CCDC40: variants seen among roughly 807,000 people sequenced by gnomAD.
CCDC40 encodes the protein coiled-coil domain-containing protein 40.
Under a neutral mutation model 124.5 loss-of-function variants are expected in CCDC40, and 104 were observed. The ratio of observed to expected loss-of-function variants is 0.84; its 90% CI spans 0.71 to 0.98. The LOEUF is 0.98. CCDC40 is among the 50% of genes least tolerant of loss of function. The pLI is 0.00. For synonymous variants in CCDC40, 580 were observed against 602.9 expected, an observed-to-expected ratio of 0.96 and a Z score of 0.56; for missense variants, 1,463 against 1,503.9, an observed-to-expected ratio of 0.97 and a Z score of 0.45.
At position 80,084,726 on chromosome 17, in the gene CCDC40, TC is replaced by T; in HGVS notation, c.1990-16del. 6.2e-7 allele frequency: 1 copy of T among 1,613,716 alleles called. No homozygotes were observed. Among genetic ancestry groups the T allele is most frequent in the Non-Finnish European group, 8.5e-7 (1 of 1,179,996 alleles). ...GGTGGGGGCAATATTCACAGGTATTTCTTTTCATCAATTCAGATGACACATC... is the reference window on the plus strand; with the variant it reads ...GGTGGGGGCAATATTCACAGGTATTTTTTTCATCAATTCAGATGACACATC... On this transcript the variant is annotated splice_polypyrimidine_tract_variant and intron_variant, in intron 12 of 19. Transcript: ENST00000397545.
intron 3 of CCDC40, among the ~76,000 whole-genome samples, chr17:80,044,717 ATAT>A (rs1303143841): frequency 9.3e-3 from 378 of 40,728 alleles, no homozygotes; most frequent in Non-Finnish European, 0.018. Flanking sequence ...AAAAAAAAAA[ATAT>A]ATATATATAT....
intron 18 of CCDC40, among the ~76,000 whole-genome samples, chr17:80,095,653 C>T (rs2038797943): frequency 6.6e-6 from 1 of 152,152 alleles, no homozygotes; most frequent in Admixed American, 6.5e-5. Context: ...TAACCTGCTG[C>T]TGGGTTCGGG....
chr17:80,040,292 T>G (rs959480108), intron 3 of CCDC40, 22 bp downstream of exon 3: 65 of 1,609,348 alleles, frequency 4.0e-5, no homozygotes, highest in Non-Finnish European at 5.4e-5. Context: ...TGACTTCTGT[T>G]TTGTGCCAGT....
At chr17:80,085,673 T>G (rs1425248402) in intron 13 of CCDC40, among the ~76,000 whole-genome samples, 2 of 150,146 alleles carry the variant, frequency 1.3e-5, no homozygotes, top group Non-Finnish European at 3.0e-5. Flanking sequence ...TTGCTTTTTT[T>G]TTTTTTTTTT....
chr17:80,091,172 A>G (rs2038714668), intron 17 of CCDC40, among the ~76,000 whole-genome samples: 1 of 152,146 alleles, frequency 6.6e-6, no homozygotes, highest in Non-Finnish European at 1.5e-5. Flanking sequence ...TACTATGGAT[A>G]TTTCACAATT....
Position 80,088,100 on chromosome 17 carries a change from AGAGT to A in CCDC40, c.2711+3_2711+6del. On this transcript the variant is annotated splice_donor_variant and coding_sequence_variant, in exon 16 of 20. Coordinates refer to ENST00000397545, the MANE Select transcript of CCDC40 (RefSeq NM_017950.4). LOFTEE classifies it high-confidence loss of function. ...CCCTCCTGAATCAACTGGTGGAAGC[AGAGT>A]GAGTCCCAGTCTCCAGCCACACGTG... 1 of 1,611,152 alleles carries A rather than the reference AGAGT, an allele frequency of 6.2e-7. No individual in the cohort carries two copies. The highest frequency in any genetic ancestry group is 8.5e-7 in the Non-Finnish European group (1 of 1,177,314).
rs951723122 is a variant in CCDC40 at position 80,086,579 on chromosome 17, G to T, written c.2449+363G>T. 3.4e-5 allele frequency: 11 copies of T among 322,254 alleles called. No homozygotes were observed. The highest frequency in any genetic ancestry group is 2.4e-4 in the African/African-American group (11 of 45,900). The allele number at this position is 322,254 out of a possible 1,614,324, so 20.0% of individuals were successfully genotyped here. On this transcript the variant is annotated intron_variant, in intron 14 of 19. Transcript: ENST00000397545. The surrounding 1 kb of genome is among the most constrained non-coding windows in gnomAD (Gnocchi z 5.5). ...TCCTGCCAGGCAGGCTCCTGGTGCT[G>T]TCCCCACATCACCTCCAGTTGGGCT...
chr17:80,058,291 T>G lies in CCDC40; in HGVS notation c.1160-203T>G, dbSNP rs1255388609. On this transcript the variant is annotated intron_variant, in intron 7 of 19. Coordinates refer to ENST00000397545, the MANE Select transcript of CCDC40 (RefSeq NM_017950.4). This position sits in a 1 kb window ranked among gnomAD's most constrained non-coding sequence, Gnocchi z 4.2. ...TGGATGTAGATTCCGTATATTTTTG[T>G]CTCTTCCAAGAGACTGTAAACTCTT... Among the ~76,000 whole-genome samples the G allele has an allele frequency of 6.6e-6, 1 of 152,222 alleles. No individual in the cohort carries two copies.
At chr17:80,064,906 C>T (rs1598509034) in intron 9 of CCDC40, among the ~76,000 whole-genome samples, 1 of 152,052 alleles carries the variant, frequency 6.6e-6, no homozygotes, top group Non-Finnish European at 1.5e-5. Flanking sequence ...GGCCTCCCTA[C>T]AGGAAGCGGT....
At chr17:80,057,665 A>G (rs1303077549) in intron 7 of CCDC40, among the ~76,000 whole-genome samples, 2 of 151,834 alleles carry the variant, frequency 1.3e-5, no homozygotes, top group Non-Finnish European at 2.9e-5. Context: ...TCAGGAGGTT[A>G]GGAGATGGAG....
chr17:80,044,704 A>ATATATATAT (rs1485851817), intron 3 of CCDC40, among the ~76,000 whole-genome samples: 906 of 36,240 alleles, frequency 0.025, 4 homozygotes, highest in East Asian at 0.036. Context: ...AAAACAAACA[A>ATATATATAT]ACAAAAAAAA....
chr17:80,095,524 TCTTGCTGGGTCCGGGGTGAGG>T, intron 18 of CCDC40, 73 bp downstream of exon 18: 2 of 1,448,530 alleles, frequency 1.4e-6, no homozygotes, highest in Non-Finnish European at 1.9e-6. Flanking sequence ...CAGGAAGGCG[TCTTGCTGGGTCCGGGGTGAGG>T]ATGCAGAGGC....
At chr17:80,076,713 G>C (rs970423625) in intron 10 of CCDC40, among the ~76,000 whole-genome samples, 1 of 151,622 alleles carries the variant, frequency 6.6e-6, no homozygotes, top group African/African-American at 2.4e-5. Context: ...TAAACACTTA[G>C]GTGATTGTTA....
At chr17:80,061,067 C>T (rs55808851) in intron 9 of CCDC40, among the ~76,000 whole-genome samples, 16,646 of 152,170 alleles carry the variant, frequency 0.11, 977 homozygotes, top group African/African-American at 0.12. Flanking sequence ...TAGGAGGGGC[C>T]GGGTAAGGTG....
At chr17:80,089,910 G>A in intron 17 of CCDC40, 26 bp downstream of exon 17, 3 of 1,612,972 alleles carry the variant, frequency 1.9e-6, no homozygotes, top group Non-Finnish European at 2.5e-6. Context: ...CGGCGTGGCA[G>A]GGCCTGCTGG....
chr17:80,062,213 A>G (rs944788343), intron 9 of CCDC40, among the ~76,000 whole-genome samples: 5 of 152,248 alleles, frequency 3.3e-5, no homozygotes, highest in Middle Eastern at 3.4e-3. Context: ...CATTAGTGAA[A>G]CCCATTTTCA....
At position 80,049,915 on chromosome 17, in the gene CCDC40, G is replaced by A; in HGVS notation, c.865G>A (p.Val289Ile). 3 of 1,614,028 alleles carry A rather than the reference G, an allele frequency of 1.9e-6. No individual in the cohort carries two copies. The highest frequency in any genetic ancestry group is 2.5e-6 in the Non-Finnish European group (3 of 1,179,948). The stretch of plus-strand genomic sequence containing the variant: ...TTTTCCATTGTTCTAGCCCCTGATG[G>A]TAAGATTCCAGGCTGCCCTGAAGAA... Reference protein sequence around the residue: ...VVLDPDHPLMVRFQAALKNYL... With the variant: ...VVLDPDHPLMIRFQAALKNYL... The change falls in exon 6 of 20, where the codon GTA becomes ATA. Residue 289 changes from valine to isoleucine, a missense_variant. Coordinates refer to ENST00000397545, the MANE Select transcript of CCDC40 (RefSeq NM_017950.4).
At chr17:80,040,633 C>T (rs910915114) in intron 3 of CCDC40, 6 of 279,772 alleles carry the variant, frequency 2.1e-5, no homozygotes, top group African/African-American at 1.1e-4. Flanking sequence ...GAGCCAAGAT[C>T]CCACCATTGC....
intron 16 of CCDC40, among the ~76,000 whole-genome samples, chr17:80,089,102 G>T (rs2038647876): frequency 6.6e-6 from 1 of 152,224 alleles, no homozygotes; most frequent in African/African-American, 2.4e-5. Flanking sequence ...GAAAACCAAT[G>T]TGTAGCTATA....
Sources: allele counts gnomAD v4.1 joint callset (sites outside exome capture counted in the v4.1 genomes callset), GRCh38; gene constraint gnomAD v4.1.1; non-coding constraint Gnocchi (gnomAD v3.1); transcripts MANE v1.5; gene names NCBI Gene and HGNC (gene_info 2026-07-23, HGNC 2026-07-21).